ALK: variants seen among roughly 807,000 people sequenced by gnomAD.
The protein encoded by ALK is ALK tyrosine kinase receptor.
ALK carries 74 observed loss-of-function variants against 163.1 expected under a neutral mutation model. The observed-to-expected ratio is 0.45, with a 90% CI of 0.38 to 0.55. ALK has a LOEUF of 0.55. ALK is among the 20% of genes least tolerant of loss of function. ALK has a pLI of 0.00. For missense variants in ALK, 2,063 were observed against 2,105.3 expected, an observed-to-expected ratio of 0.98 and a Z score of 0.39; for synonymous variants, 960 against 843.2, an observed-to-expected ratio of 1.14 and a Z score of -2.40.
intron 3 of ALK, among the ~76,000 whole-genome samples, chr2:29,622,300 G>T (rs899751558): frequency 1.3e-5 from 2 of 152,188 alleles, no homozygotes; most frequent in African/African-American, 4.8e-5. Flanking sequence ...AGAAAAAGAG[G>T]TTTAATTGGA....
intron 11 of ALK, among the ~76,000 whole-genome samples, chr2:29,253,963 C>T (rs901193371): frequency 7.2e-5 from 11 of 152,074 alleles, no homozygotes; most frequent in Non-Finnish European, 1.0e-4. Context: ...CCATAATTCC[C>T]ATGTGTCATG....
chr2:29,902,228 GT>G (rs940177720), intron 1 of ALK, among the ~76,000 whole-genome samples: 2 of 152,034 alleles, frequency 1.3e-5, no homozygotes, highest in Non-Finnish European at 2.9e-5. Context: ...CCTCCCCAAT[GT>G]TTTTTCTTCC....
chr2:29,820,216 G>T (rs1665011400), intron 1 of ALK, among the ~76,000 whole-genome samples: 1 of 152,162 alleles, frequency 6.6e-6, no homozygotes, highest in Non-Finnish European at 1.5e-5. Context: ...CACTTGCTCA[G>T]GGAGAAACCA....
intron 26 of ALK, among the ~76,000 whole-genome samples, chr2:29,206,296 C>G (rs1669309128): frequency 6.7e-6 from 1 of 150,234 alleles, no homozygotes; most frequent in South Asian, 2.2e-4. Context: ...CCCTCTCTCT[C>G]CCCCTCTCTT....
intron 3 of ALK, among the ~76,000 whole-genome samples, chr2:29,661,890 T>C (rs1677358843): frequency 6.6e-6 from 1 of 152,106 alleles, no homozygotes; most frequent in Non-Finnish European, 1.5e-5. Context: ...CTGTGTCTTT[T>C]ATGAATATCT....
At chr2:29,199,061 C>T (rs1034281139) in intron 26 of ALK, among the ~76,000 whole-genome samples, 3 of 151,616 alleles carry the variant, frequency 2.0e-5, no homozygotes, top group African/African-American at 7.3e-5. Flanking sequence ...TCAAGTGATT[C>T]GCCTGCCTCA....
At chr2:29,456,047 A>G (rs534200691) in intron 4 of ALK, among the ~76,000 whole-genome samples, 3 of 152,276 alleles carry the variant, frequency 2.0e-5, no homozygotes, top group African/African-American at 7.2e-5. Context: ...AACAACAACA[A>G]TGTCCAGAAA....
At chr2:29,424,237 G>A (rs116061024) in intron 4 of ALK, among the ~76,000 whole-genome samples, 1 of 152,166 alleles carries the variant, frequency 6.6e-6, no homozygotes, top group Admixed American at 6.5e-5. Context: ...GTACAATCAT[G>A]ATATGAATGG....
rs1340883455 is a variant in ALK, at chr2:29,857,903, T to A, written c.667+62090A>T. ...CATGCAGTTGTGAGAAATAGCAGAGTGATCCTGTGGTGTCCGTTTTACTCA... is the reference window on the plus strand; with the variant it reads ...CATGCAGTTGTGAGAAATAGCAGAGAGATCCTGTGGTGTCCGTTTTACTCA... On this transcript the variant is annotated intron_variant, in intron 1 of 28. Coordinates refer to ENST00000389048, the MANE Select transcript of ALK (RefSeq NM_004304.5). Among the ~76,000 whole-genome samples the A allele has an allele frequency of 2.0e-5, 3 of 152,160 alleles. No homozygotes were observed. The East Asian group carries it at 5.8e-4, about 29-fold the overall frequency.
chr2:29,524,927 T>G (rs6723241), intron 4 of ALK, among the ~76,000 whole-genome samples: 141,621 of 151,952 alleles, frequency 0.93, 66,709 homozygotes, highest in East Asian at 1. Context: ...AGATGGGATG[T>G]ATGGATGGAT....
At chr2:29,587,259 C>G (rs979409075) in intron 3 of ALK, among the ~76,000 whole-genome samples, 2 of 151,580 alleles carry the variant, frequency 1.3e-5, no homozygotes, top group Non-Finnish European at 3.0e-5. Flanking sequence ...TGATGTCTTT[C>G]AAGCAGCTTC....
At chr2:29,742,080 C>G (rs2148325402) in intron 1 of ALK, among the ~76,000 whole-genome samples, 1 of 152,388 alleles carries the variant, frequency 6.6e-6, no homozygotes, top group African/African-American at 2.4e-5. Flanking sequence ...GGGGCCATTT[C>G]CAACTCATGA....
chr2:29,291,524 T>C (rs1666022445), intron 9 of ALK, among the ~76,000 whole-genome samples: 1 of 152,180 alleles, frequency 6.6e-6, no homozygotes, highest in Non-Finnish European at 1.5e-5. Flanking sequence ...AGCCCTCAGA[T>C]TTCTCATATT....
rs76548768 is a variant in ALK, at chr2:29,632,271, T to C, written c.952+62579A>G. 5.8e-3 allele frequency among the ~76,000 whole-genome samples: 877 copies of C among 152,234 alleles called. 9 individuals carry two copies. The highest frequency in any genetic ancestry group is 0.019 in the African/African-American group (779 of 41,532). On this transcript the variant is annotated intron_variant, in intron 3 of 28. Coordinates refer to ENST00000389048, the MANE Select transcript of ALK (RefSeq NM_004304.5). The stretch of plus-strand genomic sequence containing the variant: ...AGGTTTTCCTTGTAGAGTACAGGGT[T>C]AGTGGGAATGCAAGTATTATGGAGT...
intron 5 of ALK, among the ~76,000 whole-genome samples, chr2:29,349,337 CTGTT>C (rs1306443334): frequency 6.6e-6 from 1 of 152,156 alleles, no homozygotes; most frequent in East Asian, 1.9e-4. Flanking sequence ...GTTTTGGCCT[CTGTT>C]TGTTTGTAGC....
At chr2:29,359,017 A>G (rs1163562009) in intron 5 of ALK, among the ~76,000 whole-genome samples, 1 of 152,190 alleles carries the variant, frequency 6.6e-6, no homozygotes. Flanking sequence ...GTACAACATT[A>G]TGCCTATAGT....
rs1485236882 is a variant in ALK, at chr2:29,496,523, C to T, written c.1154+35392G>A. Among the ~76,000 whole-genome samples the T allele has an allele frequency of 2.0e-5, 3 of 152,140 alleles. No homozygotes were observed. In the East Asian group the frequency reaches 5.8e-4, roughly 29 times the overall value. On this transcript the variant is annotated intron_variant, in intron 4 of 28. Coordinates refer to ENST00000389048, the MANE Select transcript of ALK (RefSeq NM_004304.5). ...CAGAGGATAGTAGTAGAGTGGCTGG[C>T]TTTGTTAAACTTAGTATATTATGAC...
intron 4 of ALK, among the ~76,000 whole-genome samples, chr2:29,467,931 AATG>A (rs1293743130): frequency 6.6e-6 from 1 of 152,198 alleles, no homozygotes; most frequent in Non-Finnish European, 1.5e-5. Flanking sequence ...ATTATTTGTA[AATG>A]AATAGGTAAA....
chr2:29,546,316 G>C (rs949199912), intron 3 of ALK, among the ~76,000 whole-genome samples: 1 of 152,116 alleles, frequency 6.6e-6, no homozygotes, highest in Non-Finnish European at 1.5e-5. Context: ...AGCAAAAAAA[G>C]ATAATAAAAG....
Sources: gnomAD v4.1 joint callset for allele counts (sites outside exome capture counted in the v4.1 genomes callset) on GRCh38, gnomAD v4.1.1 for gene constraint, MANE v1.5 for transcripts, NCBI Gene and HGNC (gene_info 2026-07-23, HGNC 2026-07-21) for gene names.